Variants in RAD51 observed in about 807,000 individuals in gnomAD.
RAD51 encodes the protein DNA repair protein RAD51 homolog 1.
Under a neutral mutation model 41.5 loss-of-function variants are expected in RAD51, and 14 were observed. The observed-to-expected ratio is 0.34, with a 90% confidence interval of 0.22 to 0.53. RAD51 has a LOEUF of 0.53. Ranked by LOEUF, RAD51 falls within the 20% of genes least tolerant of loss-of-function variation. The probability of loss-of-function intolerance (pLI) is 0.95; values close to 1 mark genes in which losing one functional copy is unlikely to be tolerated. For missense variants in RAD51, 234 were observed against 422.0 expected (o/e 0.55, Z 3.90); for synonymous variants, 136 against 148.6 (o/e 0.92, Z 0.62).
chr15:40,698,661 A>G, intron 1 of RAD51, 96 bp from the exon 2 acceptor site: 8 of 1,214,152 alleles, frequency 6.6e-6, no homozygotes, highest in Non-Finnish European at 9.7e-6. Flanking sequence ...GGCTTTTCCT[A>G]AAGTCTTTTT....
intron 6 of RAD51, among the ~76,000 whole-genome samples, chr15:40,722,831 G>A (rs1277646093): frequency 6.6e-6 from 1 of 152,046 alleles, no homozygotes; most frequent in Non-Finnish European, 1.5e-5. Context: ...GTCCATGAAA[G>A]AATAAATTGA....
chr15:40,729,736 T>A (rs1896775684), intron 8 of RAD51, 102 bp downstream of exon 8: 1 of 1,609,376 alleles, frequency 6.2e-7, no homozygotes, highest in Non-Finnish European at 8.5e-7. Flanking sequence ...ATCATCAAGC[T>A]CTTAGGAAGA....
At chr15:40,721,828 T>A (rs1255393391) in intron 6 of RAD51, among the ~76,000 whole-genome samples, 2 of 152,182 alleles carry the variant, frequency 1.3e-5, no homozygotes, top group Non-Finnish European at 2.9e-5. Context: ...AGCAGTTCCA[T>A]TTCCAGCTAT....
At chr15:40,712,877 C>CTTTTTTTTTTTTT (rs398039433) in intron 5 of RAD51, among the ~76,000 whole-genome samples, 82 of 103,876 alleles carry the variant, frequency 7.9e-4, no homozygotes, top group East Asian at 1.6e-3. Flanking sequence ...CTTTTCTTTT[C>CTTTTTTTTTTTTT]TTTTTTTTTT....
Position 40,731,040 on chromosome 15 carries a change from G to T in RAD51, c.897-15G>T. Reference sequence around the variant, plus strand: ...TTATAATAAATTGGTGCTTTGGTCTGTGTCTTTGGGTCAGATTGTATCTGA... The same window carrying T: ...TTATAATAAATTGGTGCTTTGGTCTTTGTCTTTGGGTCAGATTGTATCTGA... On this transcript the variant is annotated splice_polypyrimidine_tract_variant and intron_variant, in intron 9 of 9. Transcript: ENST00000267868. 6.2e-7 allele frequency: 1 copy of T among 1,614,028 alleles called. No homozygotes were observed. Among genetic ancestry groups the T allele is most frequent in the Non-Finnish European group, 8.5e-7 (1 of 1,179,968 alleles).
chr15:40,712,291 G>A (rs45501094), intron 5 of RAD51, among the ~76,000 whole-genome samples: 3,953 of 152,188 alleles, frequency 0.026, 166 homozygotes, highest in African/African-American at 0.091. Context: ...AACCTAAAAA[G>A]TGTTTGAGAG....
chr15:40,708,934 C>A, intron 4 of RAD51, 91 bp from the exon 5 acceptor site: 1 of 1,150,830 alleles, frequency 8.7e-7, no homozygotes, highest in African/African-American at 1.5e-5. Flanking sequence ...CTTACATAAA[C>A]ATCTTTCTGA....
chr15:40,695,478 C>G (rs1391790132), intron 1 of RAD51, 53 bp downstream of exon 1: 1 of 152,296 alleles, frequency 6.6e-6, no homozygotes, highest in Non-Finnish European at 1.5e-5. Flanking sequence ...TCGTCCTCGC[C>G]CACCTGCGTC....
chr15:40,700,940 G>GA, intron 2 of RAD51, 124 bp from the exon 3 acceptor site: 2 of 1,056,192 alleles, frequency 1.9e-6, no homozygotes, highest in Non-Finnish European at 2.7e-6. Context: ...CCCCCCCAAG[G>GA]ATTTCAAGGG....
intron 5 of RAD51, among the ~76,000 whole-genome samples, chr15:40,713,415 G>A (rs1034781218): frequency 2.0e-5 from 3 of 149,840 alleles, no homozygotes; most frequent in Non-Finnish European, 4.4e-5. Context: ...CTAATTTTTT[G>A]TATTTTTAGT....
At chr15:40,698,673 A>G in intron 1 of RAD51, 84 bp from the exon 2 acceptor site, 1 of 1,316,276 alleles carries the variant, frequency 7.6e-7, no homozygotes, top group Non-Finnish European at 1.1e-6. Context: ...AGTCTTTTTG[A>G]TACGACTAGC....
chr15:40,727,618 A>G (rs1336619123), intron 6 of RAD51, among the ~76,000 whole-genome samples: 3 of 151,900 alleles, frequency 2.0e-5, no homozygotes, highest in Non-Finnish European at 4.4e-5. Flanking sequence ...GCCCAGCCAT[A>G]TCAGTGTTTC....
chr15:40,706,011 T>C (rs1895312150), intron 3 of RAD51, among the ~76,000 whole-genome samples, 166 bp from the exon 4 acceptor site: 1 of 152,212 alleles, frequency 6.6e-6, no homozygotes, highest in African/African-American at 2.4e-5. Flanking sequence ...TTTTTATGAC[T>C]TTCTAAAGAG....
At chr15:40,716,169 T>C (rs1024011578) in intron 5 of RAD51, among the ~76,000 whole-genome samples, 3 of 152,246 alleles carry the variant, frequency 2.0e-5, no homozygotes, top group Non-Finnish European at 4.4e-5. Context: ...ACATGAATTA[T>C]TTTATTTAGT....
intron 1 of RAD51, among the ~76,000 whole-genome samples, chr15:40,697,101 T>C (rs1894688852): frequency 6.6e-6 from 1 of 152,114 alleles, no homozygotes; most frequent in African/African-American, 2.4e-5. Context: ...TTTATTTATT[T>C]ATTTATTTTT....
Position 40,731,952 on chromosome 15 carries a change from A to G in RAD51, c.*774A>G, listed in dbSNP as rs1416258428. 4.8e-6 allele frequency: 1 copy of G among 207,974 alleles called. No individual in the cohort carries two copies. The highest frequency in any genetic ancestry group is 9.8e-6 in the Non-Finnish European group (1 of 102,266). The allele number at this position is 207,974 out of a possible 1,614,324, so 12.9% of individuals were successfully genotyped here. The stretch of plus-strand genomic sequence containing the variant: ...GAACTTAATCTGGACACACTGTTAC[A>G]CGTGCCTGTAGTCCCAGCTACTCGA... On this transcript the variant is annotated 3_prime_UTR_variant, in exon 10 of 10. Coordinates refer to ENST00000267868, the MANE Select transcript of RAD51 (RefSeq NM_002875.5).
chr15:40,731,080 G>A lies in RAD51; in HGVS notation c.922G>A (p.Glu308Lys). The change falls in exon 10 of 10, where the codon GAA becomes AAA. Residue 308 changes from glutamate (E) to lysine (K), a missense_variant. Coordinates refer to ENST00000267868, the MANE Select transcript of RAD51 (RefSeq NM_002875.5). ...ATTGTATCTGAGGAAAGGAAGAGGG[G>A]AAACCAGAATCTGCAAAATCTACGA... ...TRLYLRKGRG[E>K]TRICKIYDSP... is the part of the protein sequence containing the mutation. The A allele has an allele frequency of 6.2e-7, 1 of 1,614,118 alleles. No homozygotes were observed. Among genetic ancestry groups the A allele is most frequent in the Non-Finnish European group, 8.5e-7 (1 of 1,180,006 alleles).
chr15:40,699,587 A>G (rs980543827), intron 2 of RAD51, among the ~76,000 whole-genome samples: 1 of 152,246 alleles, frequency 6.6e-6, no homozygotes, highest in African/African-American at 2.4e-5. Flanking sequence ...TGCCTGGCCA[A>G]AGCATCCTGT....
intron 4 of RAD51, among the ~76,000 whole-genome samples, chr15:40,707,250 G>T (rs771204120): frequency 7.1e-6 from 1 of 139,906 alleles, no homozygotes; most frequent in African/African-American, 2.7e-5. Flanking sequence ...TCCTGCCTCA[G>T]CCTCCCAAAG....
Sources: gnomAD v4.1 joint callset for allele counts (sites outside exome capture counted in the v4.1 genomes callset) on GRCh38, gnomAD v4.1.1 for gene constraint, MANE v1.5 for transcripts, NCBI Gene and HGNC (gene_info 2026-07-23, HGNC 2026-07-21) for gene names.